MICAL3: variants seen among roughly 807,000 people sequenced by gnomAD.
MICAL3 encodes the protein [F-actin]-monooxygenase MICAL3.
A neutral mutation model predicts 207.4 loss-of-function variants in MICAL3; 62 were observed. The ratio of observed to expected loss-of-function variants is 0.30; its 90% CI spans 0.24 to 0.37. The LOEUF (loss-of-function observed/expected upper bound fraction) is 0.37. MICAL3 is among the 10% of genes least tolerant of loss of function. MICAL3 has a pLI of 1.00. For missense variants in MICAL3, 2,368 were observed against 2,635.6 expected (o/e 0.90, Z 2.22); for synonymous variants, 1,077 against 1,069.3 (o/e 1.01, Z -0.14).
In MICAL3 at chr22:17,871,958, C is replaced by T. The variant is rs762608344; in HGVS notation, c.2307G>A (p.Lys769=). 5.6e-6 allele frequency: 9 copies of T among 1,611,282 alleles called. No individual in the cohort carries two copies. Among genetic ancestry groups the T allele is most frequent in the South Asian group, 2.2e-5 (2 of 90,184 alleles). ...GGSDTCYFCQ[K]RVYVMERLSA... ...TCAGCCTCTCCATCACGTAGACCCGCTTCTGGCAGAAGTAGCATGTGTCGC... is the reference window on the plus strand; with the variant it reads ...TCAGCCTCTCCATCACGTAGACCCGTTTCTGGCAGAAGTAGCATGTGTCGC... The change falls in exon 17 of 32, where the codon AAG becomes AAA. Residue 769 remains lysine, a synonymous_variant. Transcript: ENST00000441493.
At chr22:17,984,736 T>C (rs417507) in intron 1 of MICAL3, among the ~76,000 whole-genome samples, 65,891 of 152,186 alleles carry the variant, frequency 0.43, 14,982 homozygotes, top group Middle Eastern at 0.57. Context: ...ACTGACTCCA[T>C]GGCAGGTGTT....
At chr22:17,815,702 G>T (rs1454776800) in intron 27 of MICAL3, 1 of 152,394 alleles carries the variant, frequency 6.6e-6, no homozygotes, top group Non-Finnish European at 1.5e-5. Context: ...TAGGAGAGGG[G>T]CCAAAGAGCC....
chr22:17,917,998 G>A (rs554937399), intron 1 of MICAL3, among the ~76,000 whole-genome samples: 4 of 152,268 alleles, frequency 2.6e-5, no homozygotes, highest in South Asian at 2.1e-4. Flanking sequence ...ACAGCATGCC[G>A]CCCACCCGGA....
intron 1 of MICAL3, among the ~76,000 whole-genome samples, chr22:17,971,287 G>A (rs939580806): frequency 6.6e-6 from 1 of 152,176 alleles, no homozygotes; most frequent in South Asian, 2.1e-4. Flanking sequence ...GGCCAACATG[G>A]TGAAACCCCA....
At chr22:17,868,973 T>A (rs988607676) in intron 17 of MICAL3, among the ~76,000 whole-genome samples, 23 of 152,044 alleles carry the variant, frequency 1.5e-4, no homozygotes, top group Admixed American at 1.1e-3. Context: ...CTGCCTTCTA[T>A]CAAAAGAGCC....
chr22:17,982,537 G>A (rs1935961028), intron 1 of MICAL3, among the ~76,000 whole-genome samples: 1 of 152,070 alleles, frequency 6.6e-6, no homozygotes, highest in Non-Finnish European at 1.5e-5. Flanking sequence ...CAGGCGCAGT[G>A]TCAGGCACCT....
chr22:17,973,623 T>C (rs1314735476), intron 1 of MICAL3, among the ~76,000 whole-genome samples: 3 of 152,160 alleles, frequency 2.0e-5, no homozygotes, highest in Non-Finnish European at 2.9e-5. Flanking sequence ...AGGCAAATCA[T>C]GGGCCCTTTC....
intron 5 of MICAL3, 148 bp downstream of exon 5, chr22:17,901,730 G>A: frequency 2.0e-6 from 1 of 510,124 alleles, no homozygotes; most frequent in Middle Eastern, 4.5e-4. Context: ...GCTAGAGGAT[G>A]GTGGGGCCTG....
chr22:17,853,764 A>T (rs1925586151), intron 19 of MICAL3, among the ~76,000 whole-genome samples: 1 of 152,120 alleles, frequency 6.6e-6, no homozygotes, highest in African/African-American at 2.4e-5. Flanking sequence ...ACCCAGCTCC[A>T]CTCTCTGAGG....
At chr22:17,957,963 C>T (rs967930149) in intron 1 of MICAL3, among the ~76,000 whole-genome samples, 3 of 152,040 alleles carry the variant, frequency 2.0e-5, no homozygotes, top group African/African-American at 4.8e-5. Flanking sequence ...GAGCTTTCCT[C>T]GTGGAGTTAG....
chr22:18,016,164 T>C (rs400056), intron 1 of MICAL3, among the ~76,000 whole-genome samples: 101,936 of 152,078 alleles, frequency 0.67, 35,389 homozygotes, highest in African/African-American at 0.86. Flanking sequence ...AATTTTACTG[T>C]AACCTCAATA....
At chr22:17,999,173 C>T (rs1401755205) in intron 1 of MICAL3, among the ~76,000 whole-genome samples, 1 of 152,210 alleles carries the variant, frequency 6.6e-6, no homozygotes, top group Non-Finnish European at 1.5e-5. Flanking sequence ...AAAATCCTCA[C>T]CTGCAGGACT....
At chr22:17,838,955 CTTTTTTTTTT>C (rs869097812) in intron 20 of MICAL3, among the ~76,000 whole-genome samples, 1 of 88,438 alleles carries the variant, frequency 1.1e-5, no homozygotes, top group South Asian at 4.0e-4. Flanking sequence ...CCCCTAGATG[CTTTTTTTTTT>C]TTTTTTTTTT....
chr22:17,873,866 C>T (rs1015340275), intron 16 of MICAL3, among the ~76,000 whole-genome samples: 1 of 152,244 alleles, frequency 6.6e-6, no homozygotes, highest in Non-Finnish European at 1.5e-5. Flanking sequence ...GATGGCCACA[C>T]CACCATGTGG....
Position 17,817,392 on chromosome 22 carries a change from C to G in MICAL3, c.5269G>C (p.Asp1757His). 6.2e-7 allele frequency: 1 copy of G among 1,612,940 alleles called. No individual in the cohort carries two copies. The change falls in exon 26 of 32, where the codon GAC becomes CAC. Residue 1757 changes from aspartate to histidine, a missense_variant. Around this residue, in one of 4 missense-constraint regions of MICAL3, gnomAD observed 1,770 missense variants for 1,863.2 expected, o/e 0.95. Transcript: ENST00000441493. ...GAGGGGGTGCTGGGGCAGGACTTGTCGTCGGCCTTCTTCTTCTTGTCCTTC... is the reference window on the plus strand; with the variant it reads ...GAGGGGGTGCTGGGGCAGGACTTGTGGTCGGCCTTCTTCTTCTTGTCCTTC... ...YKKDKKKKAD[D>H]KSCPSTPSSG... is the part of the protein sequence containing the mutation.
Position 17,803,276 on chromosome 22 carries a change from C to G in MICAL3, c.5650+5568G>C, listed in dbSNP as rs567820794. ...AGGGAGGGACGTTGTTATGGGCACC[C>G]GTCAACCTGGCTTTGAGTTTGGTGA... On this transcript the variant is annotated intron_variant, in intron 29 of 31. Transcript: ENST00000441493. Among the ~76,000 whole-genome samples the G allele has an allele frequency of 1.4e-4, 21 of 152,266 alleles. No homozygotes were observed. The South Asian group carries it at 4.4e-3, about 32-fold the overall frequency.
rs949714333 is a variant in MICAL3, at chr22:17,917,390, G to A, written c.-74-10504C>T. 2.0e-5 allele frequency among the ~76,000 whole-genome samples: 3 copies of A among 152,114 alleles called. No homozygotes were observed. In the East Asian group the frequency reaches 5.8e-4, roughly 29 times the overall value. ...TCAACCCAAAACCTTGCCCCCGTCT[G>A]CATTTCTGTCACATCCCACGGTCCG... On this transcript the variant is annotated intron_variant, in intron 1 of 31. Transcript: ENST00000441493.
chr22:17,866,873 A>C (rs1294932286), intron 17 of MICAL3, among the ~76,000 whole-genome samples: 1 of 151,950 alleles, frequency 6.6e-6, no homozygotes, highest in Non-Finnish European at 1.5e-5. Context: ...TTTTTTTCTG[A>C]CTCTTTTTTA....
At chr22:18,020,455 T>C (rs929909303) in intron 1 of MICAL3, among the ~76,000 whole-genome samples, 6 of 151,558 alleles carry the variant, frequency 4.0e-5, no homozygotes, top group Non-Finnish European at 5.9e-5. Flanking sequence ...CCAAGAGTTT[T>C]ATCGGCATTA....
Sources: allele counts gnomAD v4.1 joint callset (sites outside exome capture counted in the v4.1 genomes callset), GRCh38; gene constraint gnomAD v4.1.1; regional missense constraint gnomAD v4.1.1; transcripts MANE v1.5; gene names NCBI Gene and HGNC (gene_info 2026-07-23, HGNC 2026-07-21).